USH2A: variants seen among roughly 807,000 people sequenced by gnomAD.
USH2A encodes Usher syndrome 2A (autosomal recessive, mild).
In USH2A, 443 loss-of-function variants were observed where a neutral mutation model predicts 538.9. The ratio of observed to expected loss-of-function variants is 0.82; its 90% CI spans 0.76 to 0.89. USH2A has a LOEUF of 0.89. USH2A is among the 40% of genes least tolerant of loss of function. The pLI, the probability that USH2A is intolerant of heterozygous loss-of-function variation, is 0.00. For synonymous variants in USH2A, 2,413 were observed against 2,273.5 expected, an observed-to-expected ratio of 1.06 and a Z score of -1.75; for missense variants, 6,633 against 6,324.8, an observed-to-expected ratio of 1.05 and a Z score of -1.65.
At chr1:216,294,319 C>G (rs185780655) in intron 9 of USH2A, among the ~76,000 whole-genome samples, 2 of 151,872 alleles carry the variant, frequency 1.3e-5, no homozygotes, top group African/African-American at 4.8e-5. Flanking sequence ...GTCAAAATGT[C>G]AACATGAGAT....
At chr1:215,700,821 C>T (rs895634134) in intron 61 of USH2A, among the ~76,000 whole-genome samples, 5 of 151,880 alleles carry the variant, frequency 3.3e-5, no homozygotes, top group African/African-American at 7.3e-5. Flanking sequence ...GTTCTGCTCT[C>T]GTCTTAATTA....
At chr1:216,341,326 C>T (rs1018744024) in intron 4 of USH2A, among the ~76,000 whole-genome samples, 12 of 152,056 alleles carry the variant, frequency 7.9e-5, no homozygotes, top group Non-Finnish European at 1.3e-4. Flanking sequence ...CTACAAACCA[C>T]TGCTCAAGGA....
Position 216,083,380 on chromosome 1 carries a change from T to C in USH2A, c.5298+76A>G. 4 of 1,504,996 alleles carry C rather than the reference T, an allele frequency of 2.7e-6. No individual in the cohort carries two copies. The South Asian group carries it at 3.6e-5, about 14-fold the overall frequency. The allele number at this position is 1,504,996 out of a possible 1,614,324, so 93.2% of individuals were successfully genotyped here. ...GTAAAGAAACCCCAATTAAGTGTAA[T>C]GCCAACACATGGTTTATTTATTTTA... On this transcript the variant is annotated intron_variant, in intron 26 of 71. Transcript: ENST00000307340.
intron 27 of USH2A, among the ~76,000 whole-genome samples, chr1:216,076,904 G>A: frequency 6.6e-6 from 1 of 152,114 alleles, no homozygotes; most frequent in East Asian, 1.9e-4. Flanking sequence ...GTCCTATGCT[G>A]GAAGTTACTA....
chr1:215,870,320 G>A (rs1664592259), intron 43 of USH2A, among the ~76,000 whole-genome samples: 1 of 150,566 alleles, frequency 6.6e-6, no homozygotes, highest in South Asian at 2.1e-4. Flanking sequence ...TTTTGAGACG[G>A]AGTCTCGCTC....
chr1:215,857,133 T>A (rs564382697), intron 44 of USH2A, among the ~76,000 whole-genome samples: 2 of 152,170 alleles, frequency 1.3e-5, no homozygotes, highest in East Asian at 3.9e-4. Context: ...GCTTGGGTGA[T>A]GGGTGCACCA....
chr1:215,860,313 G>A (rs1664282620), intron 44 of USH2A, among the ~76,000 whole-genome samples: 1 of 152,124 alleles, frequency 6.6e-6, no homozygotes, highest in Non-Finnish European at 1.5e-5. Flanking sequence ...ATCTACATTA[G>A]AGGTCAGCAA....
intron 20 of USH2A, among the ~76,000 whole-genome samples, chr1:216,179,470 A>G (rs1392717950): frequency 6.6e-6 from 1 of 152,118 alleles, no homozygotes; most frequent in Admixed American, 6.6e-5. Context: ...ATTCCTGAGA[A>G]TGAATAGAAC....
intron 20 of USH2A, 78 bp downstream of exon 20, chr1:216,190,145 G>T: frequency 6.3e-7 from 1 of 1,575,248 alleles, no homozygotes; most frequent in South Asian, 1.1e-5. Flanking sequence ...AAAGTCTCAA[G>T]TAGAGAAGGT....
At chr1:215,840,163 C>CA (rs60766928) in intron 46 of USH2A, among the ~76,000 whole-genome samples, 1,786 of 29,524 alleles carry the variant, frequency 0.06, 598 homozygotes, top group Non-Finnish European at 0.08. Context: ...GACTCTGTCT[C>CA]AAAAAAAAAA....
intron 67 of USH2A, among the ~76,000 whole-genome samples, chr1:215,644,333 T>A (rs759819740): frequency 6.6e-6 from 1 of 152,068 alleles, no homozygotes; most frequent in Non-Finnish European, 1.5e-5. Flanking sequence ...CTGTGAGGAA[T>A]CTGGGTGGAG....
intron 30 of USH2A, among the ~76,000 whole-genome samples, chr1:216,056,552 G>A (rs1275733757): frequency 6.6e-6 from 1 of 151,874 alleles, no homozygotes; most frequent in Non-Finnish European, 1.5e-5. Flanking sequence ...CCACAAACAA[G>A]AAAAAAGTGT....
At chr1:216,149,482 C>A (rs908337376) in intron 21 of USH2A, among the ~76,000 whole-genome samples, 7 of 152,166 alleles carry the variant, frequency 4.6e-5, no homozygotes. Context: ...GCACACCTCA[C>A]CAAGCTCAGC....
At chr1:216,152,899 A>C (rs2033867831) in intron 21 of USH2A, among the ~76,000 whole-genome samples, 1 of 152,044 alleles carries the variant, frequency 6.6e-6, no homozygotes, top group Admixed American at 6.6e-5. Flanking sequence ...TAAACCCCAA[A>C]CCCCAGGCTC....
rs548218724 is a variant in USH2A, at chr1:216,207,274, G to T, written c.3315C>A (p.Tyr1105Ter). ...CTATTACCAAACCCTTAAACTCACT[G>T]TATGGGTATTGATCCTCTGTTGTGT... ...EIYTTEDQYP[Y>*]SIQYFLDTDL... The change falls in exon 16 of 72, where the codon TAC becomes TAA. Residue 1105 changes from tyrosine to a stop codon, truncating the protein, a stop_gained and splice_region_variant. Transcript: ENST00000307340. LOFTEE classifies it high-confidence loss of function. 6.2e-7 allele frequency: 1 copy of T among 1,613,890 alleles called. No homozygotes were observed. Among genetic ancestry groups the T allele is most frequent in the African/African-American group, 1.3e-5 (1 of 75,010 alleles).
intron 32 of USH2A, among the ~76,000 whole-genome samples, chr1:216,037,324 T>G (rs2030033135): frequency 1.3e-5 from 2 of 152,124 alleles, no homozygotes; most frequent in South Asian, 4.1e-4. Flanking sequence ...TTGGCTAACA[T>G]TCTCAAAACA....
intron 11 of USH2A, among the ~76,000 whole-genome samples, chr1:216,280,828 C>G (rs2102594414): frequency 6.6e-6 from 1 of 152,306 alleles, no homozygotes; most frequent in Non-Finnish European, 1.5e-5. Flanking sequence ...GACACAGTCA[C>G]TCAGGCCATT....
At chr1:215,863,090 A>G (rs1349519994) in intron 44 of USH2A, among the ~76,000 whole-genome samples, 1 of 152,268 alleles carries the variant, frequency 6.6e-6, no homozygotes, top group Middle Eastern at 3.4e-3. Context: ...GAGGGGAGTA[A>G]TGATTATTGG....
At chr1:216,337,496 A>G (rs1316152982) in intron 4 of USH2A, among the ~76,000 whole-genome samples, 1 of 151,454 alleles carries the variant, frequency 6.6e-6, no homozygotes, top group Non-Finnish European at 1.5e-5. Flanking sequence ...AAAAATACAT[A>G]ATATACAAGT....
Sources: allele counts gnomAD v4.1 joint callset (sites outside exome capture counted in the v4.1 genomes callset), GRCh38; gene constraint gnomAD v4.1.1; transcripts MANE v1.5; gene names NCBI Gene and HGNC (gene_info 2026-07-23, HGNC 2026-07-21).